The following TTC23 variants were observed in gnomAD, a reference collection of about 807,000 sequenced individuals.
TTC23 encodes the protein tetratricopeptide repeat protein 23.
TTC23 carries 58 observed loss-of-function variants against 55.1 expected under a neutral mutation model. The ratio of observed to expected loss-of-function variants is 1.05; its 90% CI spans 0.85 to 1.31. The LOEUF (loss-of-function observed/expected upper bound fraction) is 1.31, where lower values mean the gene tolerates loss of function less well. TTC23 is among the 50% of genes most tolerant of loss of function. TTC23 has a pLI of 0.00. For missense variants in TTC23, 516 were observed against 534.4 expected (o/e 0.97, Z 0.34); for synonymous variants, 203 against 199.9 (o/e 1.02, Z -0.13).
chr15:99,236,468 T>C (rs1246047369), intron 3 of TTC23, among the ~76,000 whole-genome samples: 1 of 137,064 alleles, frequency 7.3e-6, no homozygotes, highest in Non-Finnish European at 1.6e-5. Flanking sequence ...CTTTTCTCAC[T>C]TTTTTTTTTT....
intron 9 of TTC23, among the ~76,000 whole-genome samples, chr15:99,195,196 T>C (rs2151978196): frequency 6.6e-6 from 1 of 152,274 alleles, no homozygotes; most frequent in South Asian, 2.1e-4. Context: ...TTAAGGACTG[T>C]TATCCAAAAT....
At chr15:99,141,986 C>T (rs1264449112) in intron 12 of TTC23, among the ~76,000 whole-genome samples, 1 of 152,172 alleles carries the variant, frequency 6.6e-6, no homozygotes, top group Non-Finnish European at 1.5e-5. Context: ...AAGCCCTTGA[C>T]TTTCTAAATC....
chr15:99,215,918 T>G (rs549383479), intron 8 of TTC23, among the ~76,000 whole-genome samples: 2 of 152,238 alleles, frequency 1.3e-5, no homozygotes, highest in East Asian at 3.9e-4. Context: ...TAAACCCAAA[T>G]AAATATTTTT....
chr15:99,176,241 A>G (rs984399763), intron 9 of TTC23, among the ~76,000 whole-genome samples: 10 of 152,206 alleles, frequency 6.6e-5, no homozygotes, highest in African/African-American at 2.4e-4. Flanking sequence ...AATACGGTGA[A>G]GTAAGATAAT....
At chr15:99,233,754 T>A (rs539457667) in intron 4 of TTC23, among the ~76,000 whole-genome samples, 117 of 152,238 alleles carry the variant, frequency 7.7e-4, no homozygotes, top group African/African-American at 2.7e-3. Context: ...AATTTAGATT[T>A]AAATCTAAAA....
Position 99,218,642 on chromosome 15 carries a change from AT to A in TTC23, c.526del (p.Ile176LeufsTer2). ...AATTTCTATCCATTCTTCCTTTATA[AT>A]TCTTCCACATTGTAGCAGCTCCTTT... ...LSKELLQCGR[I>X]IKEEWIEIEA... On this transcript the variant is annotated frameshift_variant, in exon 8 of 14. Transcript: ENST00000394132. LOFTEE classifies it high-confidence loss of function. The A allele has an allele frequency of 6.2e-7, 1 of 1,614,162 alleles. No individual in the cohort carries two copies. The highest frequency in any genetic ancestry group is 8.5e-7 in the Non-Finnish European group (1 of 1,180,012).
chr15:99,138,190 C>A, intron 13 of TTC23, 63 bp from the exon 14 acceptor site: 1 of 1,590,024 alleles, frequency 6.3e-7, no homozygotes, highest in South Asian at 1.1e-5. Context: ...CGTTCCCATC[C>A]AGCCTTTGCT....
chr15:99,184,890 G>A lies in TTC23; in HGVS notation c.760-9735C>T, dbSNP rs142013356. ...CCACAATCCCCATATGTCATGGGAG[G>A]GACCTGTGGGAGGTAATTAAATCAT... On this transcript the variant is annotated intron_variant, in intron 9 of 13. Coordinates refer to ENST00000394132, the MANE Select transcript of TTC23 (RefSeq NM_001288615.3). 3.5e-3 allele frequency among the ~76,000 whole-genome samples: 537 copies of A among 152,234 alleles called. 7 individuals are homozygous for A. The highest frequency in any genetic ancestry group is 1.5e-3 in the Non-Finnish European group (99 of 68,008).
intron 12 of TTC23, chr15:99,151,183 G>A (rs987893915): frequency 6.6e-6 from 1 of 152,176 alleles, no homozygotes; most frequent in Admixed American, 6.5e-5. Context: ...AACAGGGAGG[G>A]ATGCTGGCAA....
chr15:99,169,583 G>A lies in TTC23; in HGVS notation c.865+5467C>T, dbSNP rs113473470. Among the ~76,000 whole-genome samples, 1,467 of 152,270 alleles carry A rather than the reference G, an allele frequency of 9.6e-3. 33 individuals carry two copies. Among genetic ancestry groups the A allele is most frequent in the African/African-American group, 0.034 (1,393 of 41,544 alleles). On this transcript the variant is annotated intron_variant, in intron 10 of 13. Transcript: ENST00000394132. ...GCCCAAGGAGCATCAGTAACCCAGT[G>A]AGCAGGGAGTGGGGAGGGCCCAGCA...
At chr15:99,160,698 AT>A (rs1171851092) in intron 11 of TTC23, 4 of 152,070 alleles carry the variant, frequency 2.6e-5, no homozygotes, top group African/African-American at 9.7e-5. Context: ...GGAAATTGAG[AT>A]GGCGTTAACC....
At chr15:99,186,825 C>T (rs1179386078) in intron 9 of TTC23, among the ~76,000 whole-genome samples, 1 of 151,972 alleles carries the variant, frequency 6.6e-6, no homozygotes, top group Non-Finnish European at 1.5e-5. Flanking sequence ...AATAGATATC[C>T]CATGTTCAGT....
At chr15:99,155,850 C>T (rs1307564734) in intron 12 of TTC23, 2 of 421,236 alleles carry the variant, frequency 4.7e-6, no homozygotes, top group East Asian at 6.7e-5. Flanking sequence ...CCTCTATAAA[C>T]TCAGTATAGA....
chr15:99,198,628 T>C (rs957317510), intron 9 of TTC23, among the ~76,000 whole-genome samples: 1 of 152,218 alleles, frequency 6.6e-6, no homozygotes, highest in Non-Finnish European at 1.5e-5. Flanking sequence ...ATTGGGTATG[T>C]ACTCCTGGGC....
intron 5 of TTC23, among the ~76,000 whole-genome samples, chr15:99,228,088 C>CA (rs1345345858): frequency 2.0e-5 from 3 of 152,152 alleles, no homozygotes; most frequent in Non-Finnish European, 4.4e-5. Flanking sequence ...ATTAGTCATA[C>CA]AATAGATATT....
In TTC23 at chr15:99,139,350, A is replaced by G; in HGVS notation, c.1193T>C (p.Leu398Pro). The change falls in exon 13 of 14, where the codon CTG becomes CCG. Residue 398 changes from leucine to proline, a missense_variant. Transcript: ENST00000394132. ...LLYGPQDKRTLATQQAMGMLS... is the reference protein window; with the variant it reads ...LLYGPQDKRTPATQQAMGMLS... Reference sequence around the variant, plus strand: ...CATGCCCATGGCCTGCTGGGTGGCCAGAGTCCTTTTGTCCTGCGGTCCATA... The same window carrying G: ...CATGCCCATGGCCTGCTGGGTGGCCGGAGTCCTTTTGTCCTGCGGTCCATA... 6.2e-7 allele frequency: 1 copy of G among 1,613,992 alleles called. No individual in the cohort carries two copies. The highest frequency in any genetic ancestry group is 1.3e-5 in the African/African-American group (1 of 75,056).
chr15:99,190,264 T>G (rs1481904776), intron 9 of TTC23, among the ~76,000 whole-genome samples: 1 of 151,508 alleles, frequency 6.6e-6, no homozygotes, highest in African/African-American at 2.4e-5. Context: ...CTTGTTTTTT[T>G]TTTTTGTTTG....
In TTC23 at chr15:99,221,768, G is replaced by C. The variant is rs140079058; in HGVS notation, c.277C>G (p.Leu93Val). The change falls in exon 6 of 14, where the codon CTG becomes GTG. Residue 93 changes from leucine to valine, a missense_variant. Coordinates refer to ENST00000394132, the MANE Select transcript of TTC23 (RefSeq NM_001288615.3). ...TTCAGCTGGAGGTAGCCTTGAGCCA[G>C]ATTAACATGTGCCTCTGCTAGTTTC... is the stretch of plus-strand genomic sequence containing the variant. Reference protein sequence around the residue: ...HWKLAEAHVNLAQGYLQLKGL... With the variant: ...HWKLAEAHVNVAQGYLQLKGL... The C allele has an allele frequency of 1.2e-6, 2 of 1,614,120 alleles. No homozygotes were observed. The highest frequency in any genetic ancestry group is 1.7e-6 in the Non-Finnish European group (2 of 1,179,990).
At chr15:99,177,233 T>C (rs1256410601) in intron 9 of TTC23, among the ~76,000 whole-genome samples, 3 of 152,260 alleles carry the variant, frequency 2.0e-5, no homozygotes, top group African/African-American at 4.8e-5. Context: ...ATAATTTTTA[T>C]TGCTGCATTA....
Sources: allele counts gnomAD v4.1 joint callset (sites outside exome capture counted in the v4.1 genomes callset), GRCh38; gene constraint gnomAD v4.1.1; transcripts MANE v1.5; gene names NCBI Gene and HGNC (gene_info 2026-07-23, HGNC 2026-07-21).